The following PCDHGB2 variants were observed in gnomAD, a reference collection of about 807,000 sequenced individuals.
The protein encoded by PCDHGB2 is protocadherin gamma-B2.
In PCDHGB2, 55 loss-of-function variants were observed where a neutral mutation model predicts 59.3. That is an observed-to-expected ratio of 0.93 (90% CI 0.75 to 1.16). PCDHGB2 has a LOEUF of 1.16. PCDHGB2 is among the 50% of genes most tolerant of loss of function. The pLI, the probability that PCDHGB2 is intolerant of heterozygous loss-of-function variation, is 0.00. For missense variants in PCDHGB2, 1,228 were observed against 1,198.5 expected (o/e 1.02, Z -0.36); for synonymous variants, 516 against 512.0 (o/e 1.01, Z -0.11).
rs377701820 is a variant in PCDHGB2 at position 141,422,031 on chromosome 5, G to A, written c.2421+59475G>A. On this transcript the variant is annotated intron_variant, in intron 1 of 3. Coordinates refer to ENST00000522605, the MANE Select transcript of PCDHGB2 (RefSeq NM_018923.3). ...CTCGGGTGCTGATGGTTAATGCAAC[G>A]GATCCAGACGAGGGAATCAACGGGG... 127 of 1,610,494 alleles carry A rather than the reference G, an allele frequency of 7.9e-5. No individual in the cohort carries two copies. In the East Asian group the frequency reaches 2.4e-3, roughly 31 times the overall value.
intron 1 of PCDHGB2, chr5:141,383,110 A>G (rs754398892): frequency 1.9e-6 from 3 of 1,614,020 alleles, no homozygotes; most frequent in South Asian, 1.1e-5. Flanking sequence ...CTCCAGAGGT[A>G]GGACGCAGCT....
At chr5:141,366,768 G>A (rs903318821) in intron 1 of PCDHGB2, 26 of 1,601,610 alleles carry the variant, frequency 1.6e-5, no homozygotes, top group Non-Finnish European at 2.0e-5. Flanking sequence ...TTTCTCTTTC[G>A]GTAAGGATGA....
intron 1 of PCDHGB2, chr5:141,413,290 A>T: frequency 6.2e-7 from 1 of 1,613,924 alleles, no homozygotes; most frequent in Non-Finnish European, 8.5e-7. Context: ...CTCCTACTCA[A>T]TTCCTGAGGA....
At chr5:141,418,072 G>A in intron 1 of PCDHGB2, 1 of 1,614,058 alleles carries the variant, frequency 6.2e-7, no homozygotes, top group Non-Finnish European at 8.5e-7. Context: ...TGAGCGCGGA[G>A]AAGCTGCACT....
chr5:141,366,285 C>T (rs1764466152), intron 1 of PCDHGB2: 4 of 1,613,710 alleles, frequency 2.5e-6, no homozygotes, highest in East Asian at 2.2e-5. Flanking sequence ...CATGGCCAGC[C>T]CCCTCTGTCA....
chr5:141,379,890 T>A (rs1002813574), intron 1 of PCDHGB2, among the ~76,000 whole-genome samples: 1 of 25,360 alleles, frequency 3.9e-5, no homozygotes, highest in East Asian at 2.2e-3. Context: ...TGAAAGCCTC[T>A]TTTTTTTTTT....
At chr5:141,436,991 T>G (rs1016670604) in intron 1 of PCDHGB2, among the ~76,000 whole-genome samples, 2 of 152,238 alleles carry the variant, frequency 1.3e-5, no homozygotes, top group African/African-American at 4.8e-5. Flanking sequence ...AGAAGCAGTT[T>G]ACTTCAATGG....
At chr5:141,370,411 G>A (rs757547025) in intron 1 of PCDHGB2, 2 of 1,566,772 alleles carry the variant, frequency 1.3e-6, no homozygotes, top group South Asian at 1.2e-5. Context: ...AATAGCTCCG[G>A]ATGGAGGGGC....
chr5:141,375,647 T>A (rs1265306389), intron 1 of PCDHGB2: 1 of 1,614,156 alleles, frequency 6.2e-7, no homozygotes, highest in Admixed American at 1.7e-5. Flanking sequence ...CTCCTTCGAC[T>A]ATGAGCAGTT....
intron 1 of PCDHGB2, chr5:141,376,138 C>G (rs1234340396): frequency 1.2e-6 from 2 of 1,613,948 alleles, no homozygotes; most frequent in South Asian, 2.2e-5. Context: ...CCAAACCCAA[C>G]GATTCGGACC....
chr5:141,405,835 A>C (rs2094724459), intron 1 of PCDHGB2, among the ~76,000 whole-genome samples: 1 of 152,178 alleles, frequency 6.6e-6, no homozygotes, highest in African/African-American at 2.4e-5. Flanking sequence ...AGGTAGTATA[A>C]GTTGATATCA....
chr5:141,502,457 A>G lies in PCDHGB2; in HGVS notation c.2481-2936A>G, dbSNP rs950959171. 6.6e-5 allele frequency among the ~76,000 whole-genome samples: 10 copies of G among 151,926 alleles called. No individual in the cohort carries two copies. The South Asian group carries it at 1.7e-3, about 25-fold the overall frequency. On this transcript the variant is annotated intron_variant, in intron 2 of 3. Coordinates refer to ENST00000522605, the MANE Select transcript of PCDHGB2 (RefSeq NM_018923.3). The stretch of plus-strand genomic sequence containing the variant: ...TTAGATTCAGATTACACACCTTGGT[A>G]GGAATACTTCCCGCAGCATCACACT...
intron 1 of PCDHGB2, among the ~76,000 whole-genome samples, chr5:141,442,703 C>A (rs1405830887): frequency 6.6e-6 from 1 of 152,218 alleles, no homozygotes; most frequent in Admixed American, 6.5e-5. Flanking sequence ...ACAAGAGTAT[C>A]AGACATGCCA....
intron 1 of PCDHGB2, chr5:141,378,129 A>G (rs974715464): frequency 1.3e-5 from 2 of 152,224 alleles, no homozygotes; most frequent in African/African-American, 4.8e-5. Context: ...GTATTTGTTG[A>G]CATCACCATT....
intron 3 of PCDHGB2, 48 bp downstream of exon 3, chr5:141,505,529 T>C (rs1479433990): frequency 1.9e-6 from 3 of 1,612,066 alleles, no homozygotes; most frequent in Non-Finnish European, 2.5e-6. Context: ...CCTGGGGTTC[T>C]GGGGTGCATC....
chr5:141,430,108 G>A (rs572634913), intron 1 of PCDHGB2, among the ~76,000 whole-genome samples: 1 of 152,190 alleles, frequency 6.6e-6, no homozygotes, highest in South Asian at 2.1e-4. Context: ...AGCGTTACAT[G>A]TCAACAACCT....
intron 1 of PCDHGB2, chr5:141,375,537 C>T: frequency 6.2e-7 from 1 of 1,614,048 alleles, no homozygotes; most frequent in Non-Finnish European, 8.5e-7. Context: ...GACCAGAACG[C>T]CCAAGTCTCC....
intron 1 of PCDHGB2, chr5:141,433,227 T>C (rs1178649427): frequency 6.5e-6 from 10 of 1,528,034 alleles, no homozygotes; most frequent in Non-Finnish European, 8.9e-6. Context: ...TTTTAATTGC[T>C]CTGTCTCCCA....
At chr5:141,409,235 C>A (rs1471024804) in intron 1 of PCDHGB2, 1 of 1,613,832 alleles carries the variant, frequency 6.2e-7, no homozygotes, top group East Asian at 2.2e-5. Context: ...CGACAACAGC[C>A]CAGAAATAAT....
Sources: gnomAD v4.1 joint callset for allele counts (sites outside exome capture counted in the v4.1 genomes callset) on GRCh38, gnomAD v4.1.1 for gene constraint, MANE v1.5 for transcripts, NCBI Gene and HGNC (gene_info 2026-07-23, HGNC 2026-07-21) for gene names.